Variants in KCNT2 observed in about 807,000 individuals in gnomAD.
KCNT2 encodes the protein potassium channel subfamily T member 2.
Under a neutral mutation model 153.8 loss-of-function variants are expected in KCNT2, and 67 were observed. The ratio of observed to expected loss-of-function variants is 0.44; its 90% CI spans 0.36 to 0.53. The LOEUF (loss-of-function observed/expected upper bound fraction) is 0.53. KCNT2 is among the 20% of genes least tolerant of loss of function. The pLI is 0.00. For synonymous variants in KCNT2, 500 were observed against 458.8 expected (o/e 1.09, Z -1.15); for missense variants, 975 against 1,354.8 (o/e 0.72, Z 4.40).
In KCNT2 at chr1:196,294,486, G is replaced by T. The variant is rs192808879; in HGVS notation, c.2596-8728C>A. The stretch of plus-strand genomic sequence containing the variant: ...AGACAGGGTTTCACCATGTTGGCCA[G>T]GATGATCTCAATCTGCTGACCTCAT... On this transcript the variant is annotated intron_variant, in intron 22 of 27. Coordinates refer to ENST00000294725, the MANE Select transcript of KCNT2 (RefSeq NM_198503.5). Among the ~76,000 whole-genome samples the T allele has an allele frequency of 5.3e-5, 8 of 152,140 alleles. No individual in the cohort carries two copies. The East Asian group carries it at 1.5e-3, about 29-fold the overall frequency.
At chr1:196,387,181 T>C (rs1670069411) in intron 13 of KCNT2, among the ~76,000 whole-genome samples, 3 of 152,018 alleles carry the variant, frequency 2.0e-5, no homozygotes, top group African/African-American at 4.8e-5. Flanking sequence ...CCTACTACTA[T>C]ATATTCCTTT....
intron 1 of KCNT2, among the ~76,000 whole-genome samples, chr1:196,548,509 G>A (rs1435686929): frequency 1.3e-5 from 2 of 151,926 alleles, no homozygotes; most frequent in African/African-American, 4.8e-5. Flanking sequence ...GAAACAACAG[G>A]TGCTGGAGAG....
intron 12 of KCNT2, chr1:196,404,257 A>G (rs754357274): frequency 3.1e-5 from 7 of 223,504 alleles, no homozygotes; most frequent in Non-Finnish European, 5.2e-5. Flanking sequence ...GGCTTGGAGT[A>G]AGGGCAACAG....
At chr1:196,366,506 C>T (rs185041643) in intron 14 of KCNT2, among the ~76,000 whole-genome samples, 5 of 152,180 alleles carry the variant, frequency 3.3e-5, no homozygotes, top group Admixed American at 2.6e-4. Flanking sequence ...GTGCTTGCAT[C>T]TCAGAGTCTC....
intron 1 of KCNT2, among the ~76,000 whole-genome samples, chr1:196,562,612 G>C (rs1027600699): frequency 5.9e-5 from 9 of 151,870 alleles, no homozygotes; most frequent in Admixed American, 6.6e-5. Flanking sequence ...TACTGAATTT[G>C]AGGGAACTGG....
At chr1:196,512,731 A>G (rs1300332850) in intron 1 of KCNT2, among the ~76,000 whole-genome samples, 1 of 152,194 alleles carries the variant, frequency 6.6e-6, no homozygotes, top group African/African-American at 2.4e-5. Flanking sequence ...ACCAAGATGC[A>G]GTGAAACAAA....
At chr1:196,544,815 A>G (rs1221484156) in intron 1 of KCNT2, among the ~76,000 whole-genome samples, 1 of 152,090 alleles carries the variant, frequency 6.6e-6, no homozygotes, top group Non-Finnish European at 1.5e-5. Flanking sequence ...TTGCACTTTC[A>G]TGTCTTGTTA....
intron 8 of KCNT2, among the ~76,000 whole-genome samples, chr1:196,445,770 TG>T (rs1403369402): frequency 3.3e-5 from 5 of 151,420 alleles, no homozygotes; most frequent in African/African-American, 1.2e-4. Context: ...CATAACCATA[TG>T]TGAGTAACAA....
At chr1:196,241,454 T>G (rs1654952515) in intron 26 of KCNT2, among the ~76,000 whole-genome samples, 2 of 152,070 alleles carry the variant, frequency 1.3e-5, no homozygotes, top group African/African-American at 4.8e-5. Context: ...TTTCATCTAT[T>G]GTTACTGAAC....
chr1:196,492,197 A>G, intron 2 of KCNT2, 65 bp downstream of exon 2: 1 of 1,341,050 alleles, frequency 7.5e-7, no homozygotes, highest in Non-Finnish European at 9.8e-7. Flanking sequence ...GCAAAAGATC[A>G]CACAGTTGAA....
intron 19 of KCNT2, among the ~76,000 whole-genome samples, chr1:196,322,804 A>G (rs554504400): frequency 2.0e-5 from 3 of 151,952 alleles, no homozygotes; most frequent in South Asian, 4.1e-4. Context: ...TCCTAATTCC[A>G]CTTTTAAGTA....
intron 25 of KCNT2, among the ~76,000 whole-genome samples, chr1:196,258,831 A>G (rs1023042843): frequency 6.6e-6 from 1 of 152,112 alleles, no homozygotes; most frequent in African/African-American, 2.4e-5. Flanking sequence ...ACAAAACCAG[A>G]CATTTTACAA....
chr1:196,535,495 T>C (rs1201851152), intron 1 of KCNT2, among the ~76,000 whole-genome samples: 1 of 152,174 alleles, frequency 6.6e-6, no homozygotes, highest in South Asian at 2.1e-4. Flanking sequence ...GTAAAATGTA[T>C]TCTAGTTTAG....
chr1:196,489,284 G>T (rs1376131132), intron 3 of KCNT2, among the ~76,000 whole-genome samples: 1 of 151,900 alleles, frequency 6.6e-6, no homozygotes, highest in Non-Finnish European at 1.5e-5. Flanking sequence ...GCCACTTTGT[G>T]CCAGGCTCTG....
intron 26 of KCNT2, chr1:196,257,182 A>T: frequency 1.1e-6 from 1 of 936,326 alleles, no homozygotes; most frequent in Non-Finnish European, 1.3e-6. Context: ...AGTAACAAGA[A>T]TATACACATA....
At chr1:196,494,130 T>C (rs908634700) in intron 1 of KCNT2, among the ~76,000 whole-genome samples, 1 of 152,200 alleles carries the variant, frequency 6.6e-6, no homozygotes, top group Non-Finnish European at 1.5e-5. Context: ...ATCGGTGTCT[T>C]GGAAATGCAT....
intron 22 of KCNT2, among the ~76,000 whole-genome samples, chr1:196,286,349 C>T (rs1464148401): frequency 3.3e-5 from 5 of 152,076 alleles, no homozygotes; most frequent in Non-Finnish European, 5.9e-5. Flanking sequence ...CTACCATGTA[C>T]CATCTATGAA....
rs142214058 is a variant in KCNT2 at position 196,488,615 on chromosome 1, C to T, written c.275+1223G>A. 9.3e-4 allele frequency among the ~76,000 whole-genome samples: 141 copies of T among 152,114 alleles called. 2 individuals are homozygous for T. In the East Asian group the frequency reaches 0.025, roughly 26 times the overall value. On this transcript the variant is annotated intron_variant, in intron 3 of 27. Transcript: ENST00000294725. The stretch of plus-strand genomic sequence containing the variant: ...TGTACTTTTTATTTATAAATCACCA[C>T]ATTTTAAAAATAATGCTGATATGAT...
At chr1:196,325,732 G>T (rs1240073852) in intron 19 of KCNT2, among the ~76,000 whole-genome samples, 1 of 152,060 alleles carries the variant, frequency 6.6e-6, no homozygotes, top group African/African-American at 2.4e-5. Flanking sequence ...AATCATATCT[G>T]AAAATTCTTC....
Sources: allele counts gnomAD v4.1 joint callset (sites outside exome capture counted in the v4.1 genomes callset), GRCh38; gene constraint gnomAD v4.1.1; transcripts MANE v1.5; gene names NCBI Gene and HGNC (gene_info 2026-07-23, HGNC 2026-07-21).